Variants in NUP98 observed in about 807,000 individuals in gnomAD.
NUP98 encodes the protein nuclear pore complex protein Nup98-Nup96.
In NUP98, 26 loss-of-function variants were observed where a neutral mutation model predicts 191.9. The ratio of observed to expected loss-of-function variants is 0.14; its 90% CI spans 0.10 to 0.19. The LOEUF is 0.19. Among genes scored for constraint, NUP98 ranks in the 10% least tolerant of loss-of-function variants. The pLI is 1.00. For missense variants in NUP98, 1,941 were observed against 2,178.8 expected (o/e 0.89, Z 2.17); for synonymous variants, 808 against 778.4 (o/e 1.04, Z -0.63).
chr11:3,720,241 T>C (rs1417901933), intron 17 of NUP98, among the ~76,000 whole-genome samples: 1 of 152,192 alleles, frequency 6.6e-6, no homozygotes, highest in Non-Finnish European at 1.5e-5. Flanking sequence ...AAGAAAATTA[T>C]CAGTAATAAT....
In NUP98 at chr11:3,734,283, T is replaced by C. The variant is rs183583980; in HGVS notation, c.1542+908A>G. Reference sequence around the variant, plus strand: ...ACTGAACTCAGGTGATCCACCCGCCTCGGACTCCCAGAGTGCTAGGATTAC... The same window carrying C: ...ACTGAACTCAGGTGATCCACCCGCCCCGGACTCCCAGAGTGCTAGGATTAC... On this transcript the variant is annotated intron_variant, in intron 13 of 32. Coordinates refer to ENST00000324932, the MANE Select transcript of NUP98 (RefSeq NM_016320.5). Among the ~76,000 whole-genome samples, 761 of 152,280 alleles carry C rather than the reference T, an allele frequency of 5.0e-3. 11 individuals are homozygous for C. Among genetic ancestry groups the C allele is most frequent in the African/African-American group, 0.016 (658 of 41,552 alleles).
At position 3,753,273 on chromosome 11, in the gene NUP98, C is replaced by T. The variant is rs764600122; in HGVS notation, c.1267+43G>A. The T allele has an allele frequency of 4.8e-6, 7 of 1,445,604 alleles. No homozygotes were observed. The East Asian group carries it at 9.1e-5, about 19-fold the overall frequency. The allele number at this position is 1,445,604 out of a possible 1,614,324, so 89.5% of individuals were successfully genotyped here. ...TCTCAAGTTCCAGAAACTAGAAAGTCAAGCTGTGTCACTTCCTAGATCTCA... is the reference window on the plus strand; with the variant it reads ...TCTCAAGTTCCAGAAACTAGAAAGTTAAGCTGTGTCACTTCCTAGATCTCA... On this transcript the variant is annotated intron_variant, in intron 11 of 32. Coordinates refer to ENST00000324932, the MANE Select transcript of NUP98 (RefSeq NM_016320.5).
At chr11:3,676,803 G>A in intron 31 of NUP98, 183 bp from the exon 32 acceptor site, 1 of 723,232 alleles carries the variant, frequency 1.4e-6, no homozygotes, top group South Asian at 1.4e-5. Flanking sequence ...TGCAGTAATA[G>A]CCAAGAGGAA....
chr11:3,719,049 G>A (rs2079291659), intron 18 of NUP98, among the ~76,000 whole-genome samples: 1 of 151,884 alleles, frequency 6.6e-6, no homozygotes, highest in Non-Finnish European at 1.5e-5. Context: ...GAACCCGGGA[G>A]TCGGAGGTTG....
intron 12 of NUP98, among the ~76,000 whole-genome samples, chr11:3,741,677 C>T (rs1242197315): frequency 6.6e-6 from 1 of 152,002 alleles, no homozygotes; most frequent in Non-Finnish European, 1.5e-5. Context: ...TCCCAGAAAG[C>T]AGAAACACAG....
intron 18 of NUP98, among the ~76,000 whole-genome samples, chr11:3,719,129 A>G (rs2079296499): frequency 6.6e-6 from 1 of 152,102 alleles, no homozygotes; most frequent in South Asian, 2.1e-4. Flanking sequence ...TCAAAAAAAA[A>G]AAATAATAAT....
Position 3,675,972 on chromosome 11 carries a change from G to A in NUP98, c.*187C>T. 1 of 597,384 alleles carries A rather than the reference G, an allele frequency of 1.7e-6. No individual in the cohort carries two copies. The highest frequency in any genetic ancestry group is 3.0e-6 in the Non-Finnish European group (1 of 336,716). 37.0% of individuals were successfully genotyped at this position (597,384 alleles called of 1,614,324 possible). On this transcript the variant is annotated 3_prime_UTR_variant, in exon 33 of 33. Transcript: ENST00000324932. Reference sequence around the variant, plus strand: ...CTGTCTCCTCTTCTGGGTTCCAGAAGCCCTTATGCTACGTTCAGTATTAAG... The same window carrying A: ...CTGTCTCCTCTTCTGGGTTCCAGAAACCCTTATGCTACGTTCAGTATTAAG...
intron 29 of NUP98, among the ~76,000 whole-genome samples, chr11:3,684,398 T>A (rs1199613883): frequency 1.3e-5 from 2 of 152,204 alleles, no homozygotes; most frequent in Admixed American, 6.5e-5. Context: ...AAAACTATTC[T>A]CATTATGGAC....
chr11:3,679,225 C>T (rs1024800788), intron 31 of NUP98, among the ~76,000 whole-genome samples: 5 of 152,024 alleles, frequency 3.3e-5, no homozygotes, highest in Admixed American at 6.6e-5. Context: ...CTATCCTCAC[C>T]CTCACCAAAT....
intron 20 of NUP98, among the ~76,000 whole-genome samples, chr11:3,707,741 A>AAAAAAAAAAAAAAAAAAAAAAC (rs2078903584): frequency 6.8e-6 from 1 of 147,596 alleles, no homozygotes; most frequent in East Asian, 2.0e-4. Flanking sequence ...TCTGTCTCAA[A>AAAAAAAAAAAAAAAAAAAAAAC]AAAAAAAAAA....
At chr11:3,773,936 T>C (rs1379633143) in intron 5 of NUP98, among the ~76,000 whole-genome samples, 197 bp from the exon 6 acceptor site, 1 of 152,212 alleles carries the variant, frequency 6.6e-6, no homozygotes, top group Non-Finnish European at 1.5e-5. Context: ...TAAATCGATC[T>C]TAGTAACAAA....
intron 11 of NUP98, among the ~76,000 whole-genome samples, chr11:3,751,584 A>G (rs1414448035): frequency 6.6e-6 from 1 of 152,154 alleles, no homozygotes; most frequent in Non-Finnish European, 1.5e-5. Flanking sequence ...TTAAGCAGAG[A>G]GCACTGACTC....
At chr11:3,743,525 T>C (rs2134370894) in intron 12 of NUP98, among the ~76,000 whole-genome samples, 1 of 148,590 alleles carries the variant, frequency 6.7e-6, no homozygotes, top group Admixed American at 6.7e-5. Flanking sequence ...CGGGCACCTG[T>C]AGTCCCAGCT....
At chr11:3,795,452 A>G (rs2082495750) in intron 1 of NUP98, among the ~76,000 whole-genome samples, 1 of 152,138 alleles carries the variant, frequency 6.6e-6, no homozygotes, top group Admixed American at 6.6e-5. Flanking sequence ...TCTCATAAAT[A>G]AATAAACAAA....
At chr11:3,777,076 A>T (rs866662542) in intron 4 of NUP98, among the ~76,000 whole-genome samples, 1 of 152,188 alleles carries the variant, frequency 6.6e-6, no homozygotes, top group Non-Finnish European at 1.5e-5. Flanking sequence ...ATACCTACAC[A>T]TAACCAAAAA....
At chr11:3,766,881 A>G (rs1227899360) in intron 8 of NUP98, among the ~76,000 whole-genome samples, 1 of 152,192 alleles carries the variant, frequency 6.6e-6, no homozygotes, top group Non-Finnish European at 1.5e-5. Flanking sequence ...ATATTACCAC[A>G]GTGTATTACA....
At chr11:3,751,220 T>C (rs951236418) in intron 11 of NUP98, among the ~76,000 whole-genome samples, 1 of 152,038 alleles carries the variant, frequency 6.6e-6, no homozygotes, top group African/African-American at 2.4e-5. Context: ...TAGCTGGGCA[T>C]GTGGGCACAT....
At chr11:3,693,164 T>G in intron 27 of NUP98, 68 bp downstream of exon 27, 1 of 1,525,238 alleles carries the variant, frequency 6.6e-7, no homozygotes, top group Non-Finnish European at 9.0e-7. Context: ...ATTTCCTGGC[T>G]CCGCTTCAAT....
At chr11:3,777,350 C>T (rs565089988) in intron 4 of NUP98, among the ~76,000 whole-genome samples, 25 of 152,144 alleles carry the variant, frequency 1.6e-4, no homozygotes, top group Non-Finnish European at 3.2e-4. Flanking sequence ...ATGCCAGGTG[C>T]GGTGGCTCAC....
Sources: gnomAD v4.1 joint callset for allele counts (sites outside exome capture counted in the v4.1 genomes callset) on GRCh38, gnomAD v4.1.1 for gene constraint, MANE v1.5 for transcripts, NCBI Gene and HGNC (gene_info 2026-07-23, HGNC 2026-07-21) for gene names.